SRGAP3: variants seen among roughly 807,000 people sequenced by gnomAD.
The protein encoded by SRGAP3 is SLIT-ROBO Rho GTPase activating protein 3, also known as SLIT-ROBO Rho GTPase-activating protein 3.
SRGAP3 carries 39 observed loss-of-function variants against 121.1 expected under a neutral mutation model. The ratio of observed to expected loss-of-function variants is 0.32; its 90% CI spans 0.25 to 0.42. The LOEUF (loss-of-function observed/expected upper bound fraction) is 0.42. Ranked by LOEUF, SRGAP3 falls within the 10% of genes least tolerant of loss-of-function variation. The probability of loss-of-function intolerance (pLI) is 1.00; values close to 1 mark genes in which losing one functional copy is unlikely to be tolerated. For missense variants in SRGAP3, 1,213 were observed against 1,470.6 expected, an observed-to-expected ratio of 0.82 and a Z score of 2.86; for synonymous variants, 601 against 570.0, an observed-to-expected ratio of 1.05 and a Z score of -0.77.
intron 3 of SRGAP3, among the ~76,000 whole-genome samples, chr3:9,260,045 G>A (rs1262037355): frequency 3.3e-5 from 5 of 152,020 alleles, no homozygotes; most frequent in Non-Finnish European, 1.5e-5. Flanking sequence ...GAAGCACAAG[G>A]AGTCAGGGAA....
intron 12 of SRGAP3, among the ~76,000 whole-genome samples, chr3:9,030,362 G>A (rs894668129): frequency 1.3e-5 from 2 of 152,212 alleles, no homozygotes; most frequent in African/African-American, 2.4e-5. Flanking sequence ...CAGCCCCACT[G>A]TAGCATATTC....
intron 1 of SRGAP3, among the ~76,000 whole-genome samples, chr3:9,360,923 A>T (rs968135215): frequency 1.3e-5 from 2 of 152,182 alleles, no homozygotes; most frequent in Non-Finnish European, 2.9e-5. Context: ...CCATTGCCCC[A>T]CATACTCATT....
At chr3:9,014,014 C>G (rs1375948657) in intron 15 of SRGAP3, 172 bp from the exon 16 acceptor site, 2 of 690,506 alleles carry the variant, frequency 2.9e-6, no homozygotes. Flanking sequence ...ATCCATCTCC[C>G]TAGCTACAGG....
chr3:9,103,660 G>T (rs1213243570), intron 3 of SRGAP3, among the ~76,000 whole-genome samples: 1 of 152,210 alleles, frequency 6.6e-6, no homozygotes, highest in African/African-American at 2.4e-5. Context: ...ACCCTCCTGG[G>T]AAGTAGCTGA....
intron 3 of SRGAP3, among the ~76,000 whole-genome samples, chr3:9,100,755 T>G (rs1001488527): frequency 6.6e-6 from 1 of 152,172 alleles, no homozygotes. Context: ...TCACGGGTCT[T>G]ATGAGAAATA....
In SRGAP3 at chr3:9,086,893, G is replaced by A. The variant is rs189378811; in HGVS notation, c.424-6806C>T. 1.2e-3 allele frequency among the ~76,000 whole-genome samples: 180 copies of A among 149,368 alleles called. 6 individuals carry two copies. The East Asian group carries it at 0.027, about 23-fold the overall frequency. ...ATGGACAAGGCTAGGAAGTTGCCCA[G>A]AGAAGGGAATATAAAATTGAATTTT... On this transcript the variant is annotated intron_variant, in intron 3 of 21. Transcript: ENST00000383836.
At position 9,124,752 on chromosome 3, in the gene SRGAP3, A is replaced by T; in HGVS notation, c.233T>A (p.Ile78Asn). ...EKLAERFSSK[I>N]RSSREHQFKK... ...GAACTGGTGCTCCCGGGAGCTGCGG[A>T]TTTTGGAGGAGAAGCGCTCAGCCAG... Residue 78 changes from isoleucine (I) to asparagine (N), a missense_variant, in exon 2 of 22, where the codon ATC becomes AAC. By Grantham distance (149) the Ile-to-Asn change is moderately radical. Coordinates refer to ENST00000383836, the MANE Select transcript of SRGAP3 (RefSeq NM_014850.4). 1 of 1,614,018 alleles carries T rather than the reference A, an allele frequency of 6.2e-7. No individual in the cohort carries two copies.
intron 3 of SRGAP3, among the ~76,000 whole-genome samples, chr3:9,310,287 A>G (rs912076472): frequency 2.0e-5 from 3 of 152,136 alleles, no homozygotes; most frequent in African/African-American, 7.2e-5. Context: ...AGAATGTCCA[A>G]TCTAGTGGAT....
At chr3:9,048,283 GT>G (rs1411785886) in intron 9 of SRGAP3, among the ~76,000 whole-genome samples, 2 of 152,220 alleles carry the variant, frequency 1.3e-5, no homozygotes, top group Non-Finnish European at 2.9e-5. Flanking sequence ...CACCTGCACT[GT>G]CACAGAGCCC....
intron 10 of SRGAP3, among the ~76,000 whole-genome samples, chr3:9,042,332 T>C (rs376975421): frequency 6.6e-6 from 1 of 152,022 alleles, no homozygotes; most frequent in African/African-American, 2.4e-5. Context: ...CAGGCACACA[T>C]GGCTAGTGGC....
intron 7 of SRGAP3, 36 bp from the exon 8 acceptor site, chr3:9,056,370 G>C (rs749928188): frequency 6.2e-6 from 10 of 1,602,450 alleles, no homozygotes; most frequent in Non-Finnish European, 7.7e-6. Flanking sequence ...TGGTTGCCCT[G>C]TGCCCTCCTC....
intron 3 of SRGAP3, among the ~76,000 whole-genome samples, chr3:9,099,050 C>G (rs1948102739): frequency 6.6e-6 from 1 of 152,024 alleles, no homozygotes; most frequent in South Asian, 2.1e-4. Flanking sequence ...CTCATGCAAC[C>G]AAAAAATAAA....
Position 9,104,790 on chromosome 3 carries a change from G to C in SRGAP3, c.313C>G (p.Gln105Glu). 1 of 1,614,248 alleles carries C rather than the reference G, an allele frequency of 6.2e-7. No individual in the cohort carries two copies. ...TGGTCTCGGCTCTCCCGCCGGGTCT[G>C]ATGCAGAACCAGATACCAACAGTTC... ...PVNCWYLVLH[Q>E]TRRESRDHAT... The change falls in exon 3 of 22, where the codon CAG (glutamine) becomes GAG (glutamate). Residue 105 changes from glutamine to glutamate, a missense_variant. By Grantham distance (29) the Gln-to-Glu change is conservative. This residue lies in a region of SRGAP3 where 793 missense variants were observed against 1,032.9 expected (regional missense o/e 0.77). Transcript: ENST00000383836.
At chr3:9,123,376 T>A (rs984398537) in intron 2 of SRGAP3, among the ~76,000 whole-genome samples, 7 of 17,808 alleles carry the variant, frequency 3.9e-4, no homozygotes, top group African/African-American at 1.5e-3. Context: ...TTAAAAAATA[T>A]ATATATATAT....
intron 1 of SRGAP3, among the ~76,000 whole-genome samples, chr3:9,228,715 G>C (rs912091567): frequency 1.3e-5 from 2 of 152,202 alleles, no homozygotes; most frequent in African/African-American, 4.8e-5. Context: ...GGCAACAGAA[G>C]AAAGATCAAC....
intron 18 of SRGAP3, among the ~76,000 whole-genome samples, chr3:9,003,503 C>A (rs1013093223): frequency 1.3e-5 from 2 of 151,480 alleles, no homozygotes; most frequent in African/African-American, 2.4e-5. Context: ...AACAAACAAA[C>A]AAAAAAATCA....
intron 13 of SRGAP3, among the ~76,000 whole-genome samples, chr3:9,026,486 T>C (rs1944206445): frequency 2.0e-5 from 3 of 152,200 alleles, no homozygotes; most frequent in Admixed American, 6.5e-5. Context: ...GGTGACACCA[T>C]GGTTAACAAA....
chr3:9,006,187 T>A (rs1313637570), intron 18 of SRGAP3, among the ~76,000 whole-genome samples: 7 of 151,598 alleles, frequency 4.6e-5, no homozygotes, highest in Admixed American at 6.6e-5. Context: ...GATCACGAGG[T>A]CAGGAGATTG....
chr3:9,315,469 G>C lies in SRGAP3; in HGVS notation n.442+10541C>G, dbSNP rs543754036. On this transcript the variant is annotated intron_variant and non_coding_transcript_variant, in intron 3 of 3. Transcript: ENST00000490889. ...CTGGAGCTGTGAGTGGAACCTCACA[G>C]AGAGCACGTGGACTGAGACAAGGAG... 9.2e-5 allele frequency among the ~76,000 whole-genome samples: 14 copies of C among 152,362 alleles called. No homozygotes were observed. In the South Asian group the frequency reaches 2.5e-3, roughly 27 times the overall value.
Sources: allele counts gnomAD v4.1 joint callset (sites outside exome capture counted in the v4.1 genomes callset), GRCh38; gene constraint gnomAD v4.1.1; regional missense constraint gnomAD v4.1.1; transcripts MANE v1.5; gene names NCBI Gene and HGNC (gene_info 2026-07-23, HGNC 2026-07-21).